ZNF492: variants seen among roughly 807,000 people sequenced by gnomAD.
ZNF492 encodes zinc finger protein 115 (Y20).
ZNF492 carries 3 observed loss-of-function variants against 6.4 expected under a neutral mutation model. That is an observed-to-expected ratio of 0.47 (90% CI 0.21 to 1.22). ZNF492 has a LOEUF of 1.22. ZNF492 is among the 50% of genes most tolerant of loss of function. The pLI is 0.22. For synonymous variants in ZNF492, 112 were observed against 205.3 expected (o/e 0.55, Z 3.89); for missense variants, 356 against 612.5 (o/e 0.58, Z 4.42).
chr19:22,644,441 A>G (rs1310444579), intron 1 of ZNF492, among the ~76,000 whole-genome samples: 5 of 151,880 alleles, frequency 3.3e-5, no homozygotes, highest in Admixed American at 6.6e-5. Context: ...TTGTGTTCTC[A>G]TTGTTCAACT....
chr19:22,636,441 C>T lies in ZNF492; in HGVS notation c.-94+1967C>T, dbSNP rs934239302. On this transcript the variant is annotated intron_variant, in intron 1 of 3. Coordinates refer to ENST00000456783, the MANE Select transcript of ZNF492 (RefSeq NM_020855.3). ...ACATGCATTTGGTTTTCTGCTGCTA[C>T]GTTAGTTTTCTAAGAATAGTGGTCT... Among the ~76,000 whole-genome samples the T allele has an allele frequency of 8.5e-4, 129 of 151,092 alleles. 1 individual carries two copies. Among genetic ancestry groups the T allele is most frequent in the African/African-American group, 2.9e-3 (119 of 41,182 alleles).
At position 22,664,354 on chromosome 19, in the gene ZNF492, G is replaced by C; in HGVS notation, c.685G>C (p.Glu229Gln). The part of the protein sequence containing the change: ...HTGKKPYKCE[E>Q]CGKAFNQSAN... ...TGGAAAGAAACCCTACAAATGTGAGGAGTGTGGCAAAGCTTTTAACCAATC... is the reference window on the plus strand; with the variant it reads ...TGGAAAGAAACCCTACAAATGTGAGCAGTGTGGCAAAGCTTTTAACCAATC... The change falls in exon 4 of 4, where the codon GAG (glutamate) becomes CAG (glutamine). Residue 229 changes from glutamate (E) to glutamine (Q), a missense_variant. Transcript: ENST00000456783. 6.5e-7 allele frequency: 1 copy of C among 1,547,444 alleles called. No homozygotes were observed. The highest frequency in any genetic ancestry group is 1.2e-5 in the South Asian group (1 of 84,290).
chr19:22,665,834 A>G lies in ZNF492; in HGVS notation c.*569A>G, dbSNP rs1217442209. 6.5e-6 allele frequency: 1 copy of G among 152,764 alleles called. No individual in the cohort carries two copies. The highest frequency in any genetic ancestry group is 1.5e-5 in the Non-Finnish European group (1 of 68,438). The allele number at this position is 152,764 out of a possible 1,614,324, so 9.5% of individuals were successfully genotyped here. On this transcript the variant is annotated 3_prime_UTR_variant, in exon 4 of 4. Coordinates refer to ENST00000456783, the MANE Select transcript of ZNF492 (RefSeq NM_020855.3). ...TTGCATATACAGTAAATAGAAAAAA[A>G]TATTTAATTCAATGGTAAGTTTATG... is the stretch of plus-strand genomic sequence containing the variant.
At chr19:22,657,676 C>T (rs12983466) in intron 3 of ZNF492, among the ~76,000 whole-genome samples, 53,840 of 151,058 alleles carry the variant, frequency 0.36, 10,129 homozygotes, top group African/African-American at 0.49. Flanking sequence ...TTCATATTAA[C>T]GCATTTTTTC....
chr19:22,660,502 C>A lies in ZNF492; in HGVS notation c.131-3298C>A, dbSNP rs573125112. ...TTTTAATTTGGTATAAAATAAATCT[C>A]AGTTGAATAAAAAAATCTTCCTCAT... On this transcript the variant is annotated intron_variant, in intron 3 of 3. Coordinates refer to ENST00000456783, the MANE Select transcript of ZNF492 (RefSeq NM_020855.3). Among the ~76,000 whole-genome samples, 288 of 150,676 alleles carry A rather than the reference C, an allele frequency of 1.9e-3. 1 individual carries two copies. Among genetic ancestry groups the A allele is most frequent in the African/African-American group, 6.8e-3 (277 of 40,776 alleles).
chr19:22,648,644 T>C (rs1247177865), intron 1 of ZNF492, among the ~76,000 whole-genome samples: 2 of 152,244 alleles, frequency 1.3e-5, no homozygotes, highest in Non-Finnish European at 2.9e-5. Context: ...TGGGTGCTTA[T>C]GTATTTAGGA....
At chr19:22,636,716 C>T (rs947792549) in intron 1 of ZNF492, among the ~76,000 whole-genome samples, 1 of 151,196 alleles carries the variant, frequency 6.6e-6, no homozygotes, top group Non-Finnish European at 1.5e-5. Flanking sequence ...CTCACTGCAA[C>T]CTCTGCCTCC....
In ZNF492 at chr19:22,652,757, T is replaced by C. The variant is rs563982612; in HGVS notation, c.-93-550T>C. Among the ~76,000 whole-genome samples the C allele has an allele frequency of 2.6e-3, 401 of 152,086 alleles. 1 individual carries two copies. Among genetic ancestry groups the C allele is most frequent in the African/African-American group, 8.0e-3 (333 of 41,444 alleles). On this transcript the variant is annotated intron_variant, in intron 1 of 3. Coordinates refer to ENST00000456783, the MANE Select transcript of ZNF492 (RefSeq NM_020855.3). ...TCCACGCCCGGCTAATTTTTTGTAT[T>C]TTTAGTAGAGACAGGGTTTCACCGT...
chr19:22,642,421 G>T, intron 1 of ZNF492, among the ~76,000 whole-genome samples: 1 of 94,978 alleles, frequency 1.1e-5, no homozygotes. Flanking sequence ...ATGGAGTCTC[G>T]CACTGTTGCC....
rs750016247 is a variant in ZNF492, at chr19:22,653,979, A to T, written c.94A>T (p.Asn32Tyr). 1.2e-5 allele frequency: 20 copies of T among 1,602,220 alleles called. No homozygotes were observed. Among genetic ancestry groups the T allele is most frequent in the Non-Finnish European group, 1.7e-5 (20 of 1,177,226 alleles). ...TCTGGAGCAAGGAAAAGAACCTTGG[A>T]ATGTGAAGAGACATGAGATGGTAGC... Reference protein sequence around the residue: ...TCLEQGKEPWNVKRHEMVAEP... With the variant: ...TCLEQGKEPWYVKRHEMVAEP... Residue 32 changes from asparagine to tyrosine, a missense_variant, in exon 3 of 4, where the codon AAT (asparagine) becomes TAT (tyrosine). By Grantham distance (143) the Asn-to-Tyr change is moderately radical. Around this residue, in one of 7 missense-constraint regions of ZNF492, gnomAD observed 196 missense variants for 219.4 expected, o/e 0.89. Transcript: ENST00000456783.
intron 3 of ZNF492, among the ~76,000 whole-genome samples, chr19:22,655,817 T>TG (rs1491463612): frequency 1.3e-4 from 8 of 63,696 alleles, no homozygotes; most frequent in Non-Finnish European, 2.0e-4. Flanking sequence ...TTTCTTGTTG[T>TG]TTTTTTTTTT....
chr19:22,634,794 T>C (rs73927044), intron 1 of ZNF492, among the ~76,000 whole-genome samples: 11,648 of 152,070 alleles, frequency 0.077, 1,464 homozygotes, highest in African/African-American at 0.26. Flanking sequence ...CAGGGGAGAA[T>C]CCTGACTCGG....
At chr19:22,634,603 C>T (rs1971741169) in intron 1 of ZNF492, 129 bp downstream of exon 1, 7 of 1,012,924 alleles carry the variant, frequency 6.9e-6, no homozygotes, top group Non-Finnish European at 8.9e-6. Flanking sequence ...TTCGCCTTGC[C>T]CAGCCCAGCC....
At chr19:22,659,409 T>C (rs1377708471) in intron 3 of ZNF492, among the ~76,000 whole-genome samples, 1 of 151,892 alleles carries the variant, frequency 6.6e-6, no homozygotes, top group Non-Finnish European at 1.5e-5. Flanking sequence ...TTACACTGCC[T>C]GGAAGTCCTC....
rs933655346 is a variant in ZNF492, at chr19:22,658,883, A to G, written c.130+4868A>G. On this transcript the variant is annotated intron_variant, in intron 3 of 3. Coordinates refer to ENST00000456783, the MANE Select transcript of ZNF492 (RefSeq NM_020855.3). Reference sequence around the variant, plus strand: ...TATTAGTCTACTTTTTCACCTTTATAGTCATACCAAATTGTTTTAATTCTG... The same window carrying G: ...TATTAGTCTACTTTTTCACCTTTATGGTCATACCAAATTGTTTTAATTCTG... Among the ~76,000 whole-genome samples the G allele has an allele frequency of 1.1e-4, 15 of 142,548 alleles. 2 individuals carry two copies. Among genetic ancestry groups the G allele is most frequent in the Non-Finnish European group, 1.9e-4 (13 of 66,764 alleles). The allele number at this position is 142,548 out of a possible 152,430, so 93.5% of individuals were successfully genotyped here.
rs1240679671 is a variant in ZNF492 at position 22,666,112 on chromosome 19, A to G, written c.*847A>G. On this transcript the variant is annotated 3_prime_UTR_variant, in exon 4 of 4. Transcript: ENST00000456783. ...TACAAATAATGTTGTAATTAACTCA[A>G]ATTACTTCGTGTTAATGTTGTAATT... 6.6e-6 allele frequency: 1 copy of G among 152,130 alleles called. No individual in the cohort carries two copies. The highest frequency in any genetic ancestry group is 1.5e-5 in the Non-Finnish European group (1 of 68,028). 9.4% of individuals were successfully genotyped at this position (152,130 alleles called of 1,614,324 possible).
intron 1 of ZNF492, among the ~76,000 whole-genome samples, chr19:22,644,598 T>C (rs1167847488): frequency 6.6e-6 from 1 of 152,232 alleles, no homozygotes; most frequent in Non-Finnish European, 1.5e-5. Context: ...ATGGTGTGTA[T>C]GTACCACATT....
chr19:22,664,023 T>C lies in ZNF492; in HGVS notation c.354T>C (p.Tyr118=). ...ACAAAATATTTCAATGTGACAAATA[T>C]GTGAAAGTCTTTCATAAATTTTCAA... is the stretch of plus-strand genomic sequence containing the variant. ...TQNKIFQCDK[Y]VKVFHKFSNS... The change falls in exon 4 of 4, where the codon TAT becomes TAC. Residue 118 remains tyrosine (Y), a synonymous_variant. Coordinates refer to ENST00000456783, the MANE Select transcript of ZNF492 (RefSeq NM_020855.3). 4 of 1,607,998 alleles carry C rather than the reference T, an allele frequency of 2.5e-6. No individual in the cohort carries two copies. Among genetic ancestry groups the C allele is most frequent in the South Asian group, 2.2e-5 (2 of 90,512 alleles).
chr19:22,647,727 G>GTTTTTTTTTTTTGTT (rs1971897013), intron 1 of ZNF492, among the ~76,000 whole-genome samples: 1 of 92,576 alleles, frequency 1.1e-5, no homozygotes, highest in Non-Finnish European at 2.1e-5. Context: ...AGCTCTTTTA[G>GTTTTTTTTTTTTGTT]TTTTTTTTTT....
Sources: allele counts gnomAD v4.1 joint callset (sites outside exome capture counted in the v4.1 genomes callset), GRCh38; gene constraint gnomAD v4.1.1; regional missense constraint gnomAD v4.1.1; transcripts MANE v1.5; gene names NCBI Gene and HGNC (gene_info 2026-07-23, HGNC 2026-07-21).